The following CDKAL1 variants were observed in gnomAD, a reference collection of about 807,000 sequenced individuals.
CDKAL1 encodes CDKAL1 threonylcarbamoyladenosine tRNA methylthiotransferase.
Under a neutral mutation model 68.2 loss-of-function variants are expected in CDKAL1, and 32 were observed. That is an observed-to-expected ratio of 0.47 (90% CI 0.35 to 0.63). CDKAL1 has a LOEUF of 0.63. Ranked by LOEUF, CDKAL1 falls within the 30% of genes least tolerant of loss-of-function variation. The pLI is 0.00. For synonymous variants in CDKAL1, 234 were observed against 244.3 expected, an observed-to-expected ratio of 0.96 and a Z score of 0.39; for missense variants, 606 against 696.7, an observed-to-expected ratio of 0.87 and a Z score of 1.47.
At chr6:20,827,683 T>C (rs1285919429) in intron 8 of CDKAL1, among the ~76,000 whole-genome samples, 1 of 152,158 alleles carries the variant, frequency 6.6e-6, no homozygotes, top group African/African-American at 2.4e-5. Flanking sequence ...TGGCCTTCTG[T>C]GTTCGTTTAA....
chr6:21,164,509 T>C (rs1457684452), intron 13 of CDKAL1, among the ~76,000 whole-genome samples: 1 of 150,460 alleles, frequency 6.6e-6, no homozygotes, highest in Non-Finnish European at 1.5e-5. Flanking sequence ...GCTGGCCCTT[T>C]ACCACTATCC....
intron 4 of CDKAL1, among the ~76,000 whole-genome samples, chr6:20,591,586 A>C (rs1262679298): frequency 1.3e-5 from 2 of 152,184 alleles, no homozygotes; most frequent in African/African-American, 2.4e-5. Context: ...AGTTTTTTGC[A>C]TATGGCTAAC....
At chr6:20,606,571 A>G (rs142540681) in intron 4 of CDKAL1, among the ~76,000 whole-genome samples, 48 of 152,338 alleles carry the variant, frequency 3.2e-4, no homozygotes, top group African/African-American at 1.0e-3. Context: ...TGAAGAATCA[A>G]AAGAGTAGCT....
chr6:20,726,144 C>G (rs892736234), intron 5 of CDKAL1, among the ~76,000 whole-genome samples: 19 of 152,090 alleles, frequency 1.2e-4, no homozygotes, highest in African/African-American at 3.6e-4. Context: ...TTATTTGTCT[C>G]TAAGGGTGGC....
intron 12 of CDKAL1, among the ~76,000 whole-genome samples, chr6:21,066,846 G>A (rs1358845943): frequency 2.0e-5 from 3 of 151,888 alleles, no homozygotes; most frequent in African/African-American, 4.8e-5. Context: ...GGTTGGTCTC[G>A]AACTCCTGGA....
At chr6:20,926,944 G>T (rs537302744) in intron 9 of CDKAL1, among the ~76,000 whole-genome samples, 63 of 149,446 alleles carry the variant, frequency 4.2e-4, no homozygotes, top group African/African-American at 1.5e-3. Flanking sequence ...TATATAGAGA[G>T]AGAGAGACAT....
intron 4 of CDKAL1, among the ~76,000 whole-genome samples, chr6:20,557,700 GA>G (rs962537224): frequency 5.9e-5 from 9 of 152,196 alleles, no homozygotes; most frequent in African/African-American, 2.2e-4. Context: ...GCTGAGGCAG[GA>G]GGATCGCCTG....
chr6:20,915,130 G>C (rs1762662403), intron 9 of CDKAL1, among the ~76,000 whole-genome samples: 1 of 151,062 alleles, frequency 6.6e-6, no homozygotes, highest in Non-Finnish European at 1.5e-5. Flanking sequence ...ATTGTAAATT[G>C]GTTTATATGT....
intron 12 of CDKAL1, among the ~76,000 whole-genome samples, chr6:21,070,397 C>CTT (rs1229161188): frequency 2.7e-3 from 89 of 32,394 alleles, no homozygotes; most frequent in Admixed American, 9.4e-3. Flanking sequence ...TTTTGTTTCT[C>CTT]TCTTTTTTTT....
At chr6:20,660,462 A>T (rs10946397) in intron 5 of CDKAL1, among the ~76,000 whole-genome samples, 69,052 of 151,760 alleles carry the variant, frequency 0.46, 17,531 homozygotes, top group African/African-American at 0.7. Context: ...ATTTGTAGAA[A>T]GGGAAAAGGA....
chr6:20,892,969 A>G (rs1761487276), intron 9 of CDKAL1, among the ~76,000 whole-genome samples: 1 of 152,166 alleles, frequency 6.6e-6, no homozygotes, highest in African/African-American at 2.4e-5. Flanking sequence ...ACTTTTACTG[A>G]TTTACCTGAG....
chr6:21,047,523 TACTG>T (rs1482933539), intron 11 of CDKAL1, among the ~76,000 whole-genome samples: 1 of 152,222 alleles, frequency 6.6e-6, no homozygotes, highest in Non-Finnish European at 1.5e-5. Context: ...GTATTCGTCT[TACTG>T]TCTGTTTTTC....
intron 13 of CDKAL1, among the ~76,000 whole-genome samples, chr6:21,118,388 G>C (rs1774526786): frequency 6.6e-6 from 1 of 152,170 alleles, no homozygotes; most frequent in Non-Finnish European, 1.5e-5. Context: ...CCCCAGGTCT[G>C]CCTTTGTCTT....
chr6:21,198,858 A>C (rs997248669), intron 14 of CDKAL1, among the ~76,000 whole-genome samples: 1 of 152,102 alleles, frequency 6.6e-6, no homozygotes, highest in African/African-American at 2.4e-5. Flanking sequence ...AGCAATTCAA[A>C]AGTGACTGAG....
At chr6:20,719,672 C>A (rs1772254282) in intron 5 of CDKAL1, among the ~76,000 whole-genome samples, 1 of 152,058 alleles carries the variant, frequency 6.6e-6, no homozygotes, top group Non-Finnish European at 1.5e-5. Flanking sequence ...AATTTAAAAA[C>A]CACACAGAAA....
chr6:20,804,819 T>C (rs1216197966), intron 8 of CDKAL1, among the ~76,000 whole-genome samples: 1 of 152,126 alleles, frequency 6.6e-6, no homozygotes, highest in Non-Finnish European at 1.5e-5. Flanking sequence ...TTCCCTAAGC[T>C]GATAAAAGCA....
At chr6:20,789,913 A>G (rs1775826096) in intron 8 of CDKAL1, among the ~76,000 whole-genome samples, 1 of 152,216 alleles carries the variant, frequency 6.6e-6, no homozygotes, top group East Asian at 1.9e-4. Flanking sequence ...GTTCTTTAAG[A>G]AGACCAAAGA....
chr6:21,055,443 C>T lies in CDKAL1; in HGVS notation c.1056-9605C>T, dbSNP rs567174226. The stretch of plus-strand genomic sequence containing the variant: ...TGTGCAGGTTTATTATGTAGGTAAA[C>T]GTGTGCTGTGGTGATTTACTGCACC... On this transcript the variant is annotated intron_variant, in intron 11 of 15. Transcript: ENST00000274695. Among the ~76,000 whole-genome samples the T allele has an allele frequency of 5.9e-5, 9 of 151,988 alleles. No homozygotes were observed. The South Asian group carries it at 1.0e-3, about 18-fold the overall frequency.
At chr6:20,797,528 T>G (rs757957894) in intron 8 of CDKAL1, among the ~76,000 whole-genome samples, 3 of 152,188 alleles carry the variant, frequency 2.0e-5, no homozygotes, top group Non-Finnish European at 4.4e-5. Flanking sequence ...CCCAAAAATC[T>G]GTGTATGAAT....
Sources: allele counts gnomAD v4.1 joint callset (sites outside exome capture counted in the v4.1 genomes callset), GRCh38; gene constraint gnomAD v4.1.1; transcripts MANE v1.5; gene names NCBI Gene and HGNC (gene_info 2026-07-23, HGNC 2026-07-21).